Variants in YJU2 observed in about 807,000 individuals in gnomAD.
YJU2 encodes YJU2 splicing factor homolog.
In YJU2, 28 loss-of-function variants were observed where a neutral mutation model predicts 39.6. The observed-to-expected ratio is 0.71, with a 90% CI of 0.52 to 0.97. YJU2 has a LOEUF of 0.97. Ranked by LOEUF, YJU2 falls within the 50% of genes least tolerant of loss-of-function variation. The pLI, the probability that YJU2 is intolerant of heterozygous loss-of-function variation, is 0.00. For missense variants in YJU2, 328 were observed against 430.4 expected, an observed-to-expected ratio of 0.76 and a Z score of 2.11; for synonymous variants, 184 against 182.4, an observed-to-expected ratio of 1.01 and a Z score of -0.07.
At chr19:4,263,315 C>T (rs1480302749) in intron 6 of YJU2, among the ~76,000 whole-genome samples, 1 of 152,256 alleles carries the variant, frequency 6.6e-6, no homozygotes, top group Non-Finnish European at 1.5e-5. Context: ...GCTGTGGCCA[C>T]AGCTGGCTCA....
intron 1 of YJU2, chr19:4,247,874 T>A (rs1021571335): frequency 6.6e-6 from 1 of 151,886 alleles, no homozygotes; most frequent in Non-Finnish European, 1.5e-5. Context: ...CTTCTGTTTT[T>A]TGGTTTTTTG....
chr19:4,264,493 C>CTT (rs578217170), intron 6 of YJU2, among the ~76,000 whole-genome samples: 2 of 137,118 alleles, frequency 1.5e-5, no homozygotes, highest in Non-Finnish European at 3.2e-5. Context: ...TTCTTTCTTT[C>CTT]TTTTTTTTTT....
intron 3 of YJU2, among the ~76,000 whole-genome samples, chr19:4,253,645 G>A (rs1276339479): frequency 2.6e-5 from 4 of 152,110 alleles, no homozygotes; most frequent in Non-Finnish European, 5.9e-5. Context: ...CAGTTTTTCT[G>A]CTAATGTCAC....
chr19:4,263,136 C>T lies in YJU2; in HGVS notation c.708+1022C>T, dbSNP rs534126509. 3.3e-5 allele frequency among the ~76,000 whole-genome samples: 5 copies of T among 151,032 alleles called. No homozygotes were observed. In the South Asian group the frequency reaches 8.4e-4, roughly 25 times the overall value. On this transcript the variant is annotated intron_variant, in intron 6 of 7. Transcript: ENST00000262962. ...GTGGCAGGCCTATGGGTCTGTAATT[C>T]GCCAACCCCTGTTTAAGCTGCCGAA...
intron 2 of YJU2, among the ~76,000 whole-genome samples, chr19:4,250,152 A>G (rs1970963909): frequency 6.6e-6 from 1 of 151,594 alleles, no homozygotes; most frequent in Non-Finnish European, 1.5e-5. Flanking sequence ...TATTTCACCA[A>G]CTCTCAACCC....
chr19:4,256,393 T>C (rs1971021621), intron 4 of YJU2, among the ~76,000 whole-genome samples: 3 of 151,806 alleles, frequency 2.0e-5, no homozygotes, highest in Admixed American at 2.0e-4. Context: ...ATACAACATT[T>C]TCCATGGCCA....
chr19:4,252,604 A>G (rs534203138), intron 3 of YJU2, among the ~76,000 whole-genome samples: 12 of 151,932 alleles, frequency 7.9e-5, no homozygotes, highest in African/African-American at 2.9e-4. Context: ...ACTCCGTCTC[A>G]AAAATAAATA....
At chr19:4,261,935 C>T in intron 5 of YJU2, 59 bp from the exon 6 acceptor site, 1 of 1,576,222 alleles carries the variant, frequency 6.3e-7, no homozygotes, top group Non-Finnish European at 8.6e-7. Flanking sequence ...CCAGCAGGTA[C>T]ATCCCAGGCA....
chr19:4,262,445 G>A (rs1461217846), intron 6 of YJU2, among the ~76,000 whole-genome samples: 2 of 151,882 alleles, frequency 1.3e-5, no homozygotes, highest in African/African-American at 4.8e-5. Context: ...TGATCCGCCC[G>A]CCTAGGCCTC....
chr19:4,260,658 G>A (rs543090843), intron 5 of YJU2, among the ~76,000 whole-genome samples: 2 of 152,196 alleles, frequency 1.3e-5, no homozygotes, highest in African/African-American at 2.4e-5. Context: ...ACGGGGTCTC[G>A]CTATGTTGCC....
intron 3 of YJU2, among the ~76,000 whole-genome samples, chr19:4,252,907 C>G (rs1247213760): frequency 2.0e-5 from 3 of 152,116 alleles, no homozygotes; most frequent in Non-Finnish European, 4.4e-5. Flanking sequence ...GCCTGAGTGA[C>G]AGAGTGAGAC....
rs1032157836 is a variant in YJU2 at position 4,256,207 on chromosome 19, T to C, written c.405+1718T>C. ...ATATATATATATATATATATATATA[T>C]GTACACACACATATACATATATATA... is the stretch of plus-strand genomic sequence containing the variant. On this transcript the variant is annotated intron_variant, in intron 4 of 7. Transcript: ENST00000262962. Among the ~76,000 whole-genome samples the C allele has an allele frequency of 1.0e-4, 15 of 146,062 alleles. 1 individual carries two copies. Among genetic ancestry groups the C allele is most frequent in the African/African-American group, 2.8e-4 (11 of 39,180 alleles).
chr19:4,253,427 A>T (rs1202638797), intron 3 of YJU2, among the ~76,000 whole-genome samples: 3 of 152,072 alleles, frequency 2.0e-5, no homozygotes, highest in Non-Finnish European at 4.4e-5. Flanking sequence ...AAAGAAATTT[A>T]AAAATTAGCC....
At position 4,269,043 on chromosome 19, in the gene YJU2, C is replaced by T. The variant is rs1169147711; in HGVS notation, c.*347C>T. On this transcript the variant is annotated 3_prime_UTR_variant, in exon 8 of 8. Coordinates refer to ENST00000262962, the MANE Select transcript of YJU2 (RefSeq NM_018074.6). ...TGCCGGCCTCTAGATGGCCTCATCT[C>T]TTCCTTCCACAAACTGTCTAGAACC... is the stretch of plus-strand genomic sequence containing the variant. 3.5e-6 allele frequency: 1 copy of T among 284,188 alleles called. No homozygotes were observed. Among genetic ancestry groups the T allele is most frequent in the Non-Finnish European group, 6.8e-6 (1 of 147,254 alleles). The allele number at this position is 284,188 out of a possible 1,614,324, so 17.6% of individuals were successfully genotyped here. A position where few individuals can be genotyped will look rare whatever the true frequency, so the allele number is the denominator to read the frequency against.
In YJU2 at chr19:4,251,125, G is replaced by C. The variant is rs1322032178; in HGVS notation, c.224G>C (p.Arg75Pro). The change falls in exon 3 of 8, where the codon CGC becomes CCC. Residue 75 changes from arginine (R) to proline (P), a missense_variant. Arg to Pro is a moderately radical substitution (Grantham distance 103). Around this residue, in one of 2 missense-constraint regions of YJU2, gnomAD observed 84 missense variants for 165.8 expected, o/e 0.51. Transcript: ENST00000262962. ...GTCTACCTGGGCCTGCCCATCTTCC[G>C]CTTTTACATCAAGTGCACGCGCTGC... ...NEVYLGLPIF[R>P]FYIKCTRCLA... The C allele has an allele frequency of 6.2e-7, 1 of 1,614,172 alleles. No homozygotes were observed. Among genetic ancestry groups the C allele is most frequent in the Non-Finnish European group, 8.5e-7 (1 of 1,180,018 alleles).
chr19:4,266,950 G>A (rs1436666338), intron 6 of YJU2, among the ~76,000 whole-genome samples: 1 of 152,188 alleles, frequency 6.6e-6, no homozygotes, highest in Non-Finnish European at 1.5e-5. Flanking sequence ...CTGGGCAATA[G>A]AGTGAGACCT....
intron 5 of YJU2, among the ~76,000 whole-genome samples, chr19:4,258,814 G>C (rs1339952624): frequency 2.0e-5 from 3 of 152,170 alleles, no homozygotes; most frequent in Non-Finnish European, 4.4e-5. Flanking sequence ...GAAGCTCCTA[G>C]AGACCCAGCG....
At chr19:4,255,641 T>C (rs1001401143) in intron 4 of YJU2, among the ~76,000 whole-genome samples, 9 of 150,220 alleles carry the variant, frequency 6.0e-5, no homozygotes, top group African/African-American at 2.0e-4. Flanking sequence ...AGGCAGAGAA[T>C]TGCTTGAACT....
chr19:4,262,202 T>C, intron 6 of YJU2, 88 bp downstream of exon 6: 2 of 1,425,052 alleles, frequency 1.4e-6, no homozygotes, highest in East Asian at 2.4e-5. Context: ...CTTTTGTTTT[T>C]TGTTTTTGTT....
Sources: allele counts gnomAD v4.1 joint callset (sites outside exome capture counted in the v4.1 genomes callset), GRCh38; gene constraint gnomAD v4.1.1; regional missense constraint gnomAD v4.1.1; transcripts MANE v1.5; gene names NCBI Gene and HGNC (gene_info 2026-07-23, HGNC 2026-07-21).